BRF1: variants seen among roughly 807,000 people sequenced by gnomAD.
BRF1 encodes the protein BRF1 general transcription factor IIIB subunit.
A neutral mutation model predicts 81.7 loss-of-function variants in BRF1; 59 were observed. The observed-to-expected ratio is 0.72, with a 90% CI of 0.59 to 0.90. BRF1 has a LOEUF of 0.90. Among genes scored for constraint, BRF1 ranks in the 40% least tolerant of loss-of-function variants. The pLI, the probability that BRF1 is intolerant of heterozygous loss-of-function variation, is 0.00. For synonymous variants in BRF1, 491 were observed against 395.6 expected, an observed-to-expected ratio of 1.24 and a Z score of -2.86; for missense variants, 1,050 against 936.3, an observed-to-expected ratio of 1.12 and a Z score of -1.58.
At chr14:105,289,447 G>A (rs970749579) in intron 1 of BRF1, among the ~76,000 whole-genome samples, 5 of 152,182 alleles carry the variant, frequency 3.3e-5, no homozygotes, top group Non-Finnish European at 7.3e-5. Flanking sequence ...GCTGATATGA[G>A]AATCCAGAAG....
In BRF1 at chr14:105,252,495, C is replaced by T; in HGVS notation, c.544+12G>A. ...CCTGCCGGACACCCCAGCATCTCAC[C>T]CAGATGCCTACCTATGGCCGGCGCA... On this transcript the variant is annotated intron_variant, in intron 5 of 17. Transcript: ENST00000547530. 2 of 1,613,074 alleles carry T rather than the reference C, an allele frequency of 1.2e-6. No homozygotes were observed. Among genetic ancestry groups the T allele is most frequent in the Non-Finnish European group, 1.7e-6 (2 of 1,179,660 alleles).
At chr14:105,312,262 T>C (rs2058369010) in intron 1 of BRF1, among the ~76,000 whole-genome samples, 3 of 152,128 alleles carry the variant, frequency 2.0e-5, no homozygotes, top group Admixed American at 1.3e-4. Flanking sequence ...TGACTGGGGG[T>C]TGGGGCTTCG....
At position 105,241,166 on chromosome 14, in the gene BRF1, C is replaced by T. The variant is rs1043959545; in HGVS notation, c.694+99G>A. On this transcript the variant is annotated intron_variant, in intron 6 of 17. Coordinates refer to ENST00000547530, the MANE Select transcript of BRF1 (RefSeq NM_001519.4). ...GAGGCTGGAGGCAGCTCTCAGTGCT[C>T]TGCAAACATACGGCCCAGCCCACCA... 3 of 1,538,786 alleles carry T rather than the reference C, an allele frequency of 1.9e-6. No homozygotes were observed. In the East Asian group the frequency reaches 6.8e-5, roughly 35 times the overall value.
chr14:105,225,945 G>A (rs912666514), intron 10 of BRF1, 124 bp downstream of exon 10: 4 of 1,032,420 alleles, frequency 3.9e-6, no homozygotes, highest in African/African-American at 3.2e-5. Context: ...CCTGCCCGGT[G>A]GTAAACTTAC....
intron 16 of BRF1, chr14:105,211,911 C>T (rs954148143): frequency 1.4e-5 from 10 of 704,114 alleles, no homozygotes; most frequent in African/African-American, 7.1e-5. Flanking sequence ...GTCCCCACTT[C>T]CTGCCCGCTC....
chr14:105,250,326 C>T (rs1475518298), intron 5 of BRF1: 3 of 1,613,480 alleles, frequency 1.9e-6, no homozygotes, highest in Non-Finnish European at 2.5e-6. Flanking sequence ...GTATTTATTG[C>T]AGGGCTGGGC....
At chr14:105,217,841 C>T in intron 14 of BRF1, 41 bp from the exon 15 acceptor site, 1 of 1,594,810 alleles carries the variant, frequency 6.3e-7, no homozygotes, top group Non-Finnish European at 8.5e-7. Flanking sequence ...TGAGTCACGC[C>T]CACTGCACTC....
intron 3 of BRF1, among the ~76,000 whole-genome samples, chr14:105,266,738 G>T (rs2056434106): frequency 6.6e-6 from 1 of 152,108 alleles, no homozygotes; most frequent in African/African-American, 2.4e-5. Context: ...GATGAGAGGT[G>T]TGTGGGTTAG....
chr14:105,247,279 C>T (rs2140260187), intron 5 of BRF1: 7 of 985,416 alleles, frequency 7.1e-6, no homozygotes, highest in South Asian at 4.7e-5. Flanking sequence ...TGCGGAGTTA[C>T]GCACCCACCT....
In BRF1 at chr14:105,309,985, T is replaced by C. The variant is rs2058303121; in HGVS notation, c.-162+5337A>G. ...ATTTTTAGTAGAGACGGGGTTTCAG[T>C]GTATTGGTCAGGCTAGTTTTGAACT... On this transcript the variant is annotated intron_variant, in intron 1 of 17. Coordinates refer to the BRF1 transcript ENST00000327359. This position sits in a 1 kb window ranked among gnomAD's most constrained non-coding sequence, Gnocchi z 4.0. 6.6e-6 allele frequency among the ~76,000 whole-genome samples: 1 copy of C among 151,130 alleles called. No individual in the cohort carries two copies. The highest frequency in any genetic ancestry group is 1.5e-5 in the Non-Finnish European group (1 of 67,786).
At chr14:105,289,395 T>TG (rs1412322083) in intron 1 of BRF1, among the ~76,000 whole-genome samples, 1 of 152,126 alleles carries the variant, frequency 6.6e-6, no homozygotes, top group Non-Finnish European at 1.5e-5. Flanking sequence ...TGTCTCCTTG[T>TG]GGGGGCTGGA....
At chr14:105,249,425 A>G (rs1267244596) in intron 5 of BRF1, 2 of 1,613,554 alleles carry the variant, frequency 1.2e-6, no homozygotes, top group South Asian at 2.2e-5. Context: ...CGGAAGTCAA[A>G]TCTGAAATTC....
rs868706522 is a variant in BRF1, at chr14:105,269,079, A to G, written c.439+3642T>C. ...AGAAGGCACAGGGGCAGGAGAAAAC[A>G]AGGAGGGCGGTGAGAGACGGAGACG... On this transcript the variant is annotated intron_variant, in intron 3 of 17. Coordinates refer to ENST00000547530, the MANE Select transcript of BRF1 (RefSeq NM_001519.4). The surrounding 1 kb of genome is among the most constrained non-coding windows in gnomAD (Gnocchi z 5.0). Among the ~76,000 whole-genome samples, 7 of 152,222 alleles carry G rather than the reference A, an allele frequency of 4.6e-5. No individual in the cohort carries two copies. In the South Asian group the frequency reaches 1.2e-3, roughly 27 times the overall value.
At chr14:105,252,651 T>C (rs2055675496) in intron 4 of BRF1, 72 bp from the exon 5 acceptor site, 2 of 1,499,448 alleles carry the variant, frequency 1.3e-6, no homozygotes, top group African/African-American at 1.4e-5. Context: ...TCTCTTAAAA[T>C]GCATCTCTTG....
chr14:105,273,002 G>A, intron 2 of BRF1, 108 bp from the exon 3 acceptor site: 1 of 1,276,346 alleles, frequency 7.8e-7, no homozygotes, highest in Non-Finnish European at 1.0e-6. Flanking sequence ...GCTTTTCCTT[G>A]TAAGTTTCTG....
At chr14:105,222,869 C>A (rs976664750) in intron 10 of BRF1, among the ~76,000 whole-genome samples, 11 of 152,174 alleles carry the variant, frequency 7.2e-5, no homozygotes, top group Admixed American at 3.3e-4. Context: ...ACCTTGTGAT[C>A]TGCCCACCTC....
intron 3 of BRF1, 53 bp downstream of exon 3, chr14:105,272,668 C>G: frequency 2.0e-6 from 3 of 1,525,872 alleles, no homozygotes; most frequent in Non-Finnish European, 2.6e-6. Context: ...TCGAGGGGAG[C>G]CAACTAAGCA....
At chr14:105,212,346 G>C (rs1484161484) in intron 15 of BRF1, 182 bp from the exon 16 acceptor site, 1 of 711,908 alleles carries the variant, frequency 1.4e-6, no homozygotes, top group African/African-American at 1.8e-5. Flanking sequence ...TCAACACAGA[G>C]CTCTGACCCG....
rs1036421976 is a variant in BRF1, at chr14:105,309,393, C to T, written c.-162+5929G>A. ...TGTTGCTAAAACTGAGGCAGCGTTCCGTTTTGCTGGTTATTCCACATCCCA... is the reference window on the plus strand; with the variant it reads ...TGTTGCTAAAACTGAGGCAGCGTTCTGTTTTGCTGGTTATTCCACATCCCA... On this transcript the variant is annotated intron_variant, in intron 1 of 17. Transcript: ENST00000327359. This position sits in a 1 kb window ranked among gnomAD's most constrained non-coding sequence, Gnocchi z 4.0. Among the ~76,000 whole-genome samples the T allele has an allele frequency of 7.2e-5, 11 of 152,172 alleles. No homozygotes were observed. The highest frequency in any genetic ancestry group is 2.7e-4 in the African/African-American group (11 of 41,434).
Sources: allele counts gnomAD v4.1 joint callset (sites outside exome capture counted in the v4.1 genomes callset), GRCh38; gene constraint gnomAD v4.1.1; non-coding constraint Gnocchi (gnomAD v3.1); transcripts MANE v1.5; gene names NCBI Gene and HGNC (gene_info 2026-07-23, HGNC 2026-07-21).